The following PHLDB2 variants were observed in gnomAD, a reference collection of about 807,000 sequenced individuals.
PHLDB2 encodes the protein pleckstrin homology-like domain family B member 2.
PHLDB2 carries 71 observed loss-of-function variants against 123.6 expected under a neutral mutation model. The observed-to-expected ratio is 0.57, with a 90% CI of 0.47 to 0.70. The LOEUF (loss-of-function observed/expected upper bound fraction) is 0.70, where lower values mean the gene tolerates loss of function less well. Ranked by LOEUF, PHLDB2 falls within the 30% of genes least tolerant of loss-of-function variation. PHLDB2 has a pLI of 0.00. For synonymous variants in PHLDB2, 547 were observed against 541.6 expected (o/e 1.01, Z -0.14); for missense variants, 1,446 against 1,519.5 (o/e 0.95, Z 0.80).
intron 1 of PHLDB2, among the ~76,000 whole-genome samples, chr3:111,824,973 A>G (rs2062585999): frequency 6.6e-6 from 1 of 152,162 alleles, no homozygotes; most frequent in African/African-American, 2.4e-5. Flanking sequence ...TTTCTATATT[A>G]TCTCTTAATG....
At chr3:111,852,470 A>C (rs60131780) in intron 2 of PHLDB2, among the ~76,000 whole-genome samples, 4,164 of 151,276 alleles carry the variant, frequency 0.028, 109 homozygotes, top group Admixed American at 0.072. Flanking sequence ...GTATAACATT[A>C]AGGACAAATT....
At chr3:111,911,692 C>T in intron 2 of PHLDB2, 1 of 1,536,240 alleles carries the variant, frequency 6.5e-7, no homozygotes, top group Non-Finnish European at 8.7e-7. Flanking sequence ...GGAGCTGCAG[C>T]TGGAGTCCAG....
chr3:111,933,586 A>G (rs771823701), intron 6 of PHLDB2, among the ~76,000 whole-genome samples: 21 of 152,234 alleles, frequency 1.4e-4, no homozygotes, highest in Non-Finnish European at 2.8e-4. Context: ...AGTTTTAACC[A>G]TATGTCTTCC....
intron 1 of PHLDB2, among the ~76,000 whole-genome samples, chr3:111,743,482 T>A (rs1387591588): frequency 6.6e-6 from 1 of 152,124 alleles, no homozygotes; most frequent in Non-Finnish European, 1.5e-5. Flanking sequence ...TGAACTTCAT[T>A]TTTCCTGGGA....
intron 2 of PHLDB2, among the ~76,000 whole-genome samples, chr3:111,909,887 G>A (rs7653069): frequency 0.13 from 19,866 of 152,156 alleles, 1,682 homozygotes; most frequent in Non-Finnish European, 0.19. Context: ...AAGGTTTTTA[G>A]CAAAGATTAC....
At chr3:111,946,975 A>G (rs1174258713) in intron 9 of PHLDB2, among the ~76,000 whole-genome samples, 1 of 151,838 alleles carries the variant, frequency 6.6e-6, no homozygotes, top group East Asian at 1.9e-4. Context: ...TTGACAGTTC[A>G]CAGTTCTTGC....
At chr3:111,961,097 C>A (rs768374606) in intron 12 of PHLDB2, among the ~76,000 whole-genome samples, 9 of 152,250 alleles carry the variant, frequency 5.9e-5, no homozygotes, top group Non-Finnish European at 1.2e-4. Context: ...CTTTGGGAGG[C>A]CGAGGCAGGC....
At chr3:111,752,291 C>T (rs1576509375) in intron 1 of PHLDB2, among the ~76,000 whole-genome samples, 1 of 151,766 alleles carries the variant, frequency 6.6e-6, no homozygotes, top group Non-Finnish European at 1.5e-5. Flanking sequence ...AATGCCTGTA[C>T]TCATATCCTA....
Position 111,976,077 on chromosome 3 carries a change from A to G in PHLDB2, c.*1514A>G, listed in dbSNP as rs1414742084. 1.3e-5 allele frequency: 2 copies of G among 152,690 alleles called. No individual in the cohort carries two copies. Among genetic ancestry groups the G allele is most frequent in the African/African-American group, 4.8e-5 (2 of 41,478 alleles). The allele number at this position is 152,690 out of a possible 1,614,324, so 9.5% of individuals were successfully genotyped here. On this transcript the variant is annotated 3_prime_UTR_variant, in exon 18 of 18. Transcript: ENST00000431670. ...TCACTTTTAAACCCTGTAGTGATGT[A>G]AGACTAAAATATAATTGCTAAGATT... is the stretch of plus-strand genomic sequence containing the variant.
intron 2 of PHLDB2, among the ~76,000 whole-genome samples, chr3:111,907,781 C>T (rs549782259): frequency 3.3e-5 from 5 of 152,164 alleles, no homozygotes; most frequent in East Asian, 1.9e-4. Context: ...TGTGAGCCAC[C>T]GTGGTCAGCT....
chr3:111,953,702 G>A (rs1577181423), intron 11 of PHLDB2: 5 of 416,914 alleles, frequency 1.2e-5, no homozygotes, highest in African/African-American at 1.0e-4. Flanking sequence ...CTTCACTTTT[G>A]GAATTGCTGC....
chr3:111,738,530 A>T (rs1167480657), intron 1 of PHLDB2, among the ~76,000 whole-genome samples: 1 of 152,202 alleles, frequency 6.6e-6, no homozygotes, highest in Non-Finnish European at 1.5e-5. Context: ...CATAGGATTA[A>T]ATAATCTTGC....
intron 5 of PHLDB2, among the ~76,000 whole-genome samples, chr3:111,928,811 A>C (rs1170572833): frequency 6.6e-6 from 1 of 152,212 alleles, no homozygotes; most frequent in African/African-American, 2.4e-5. Flanking sequence ...ACATCAAGAG[A>C]AGACAAGTCA....
chr3:111,884,848 C>T lies in PHLDB2; in HGVS notation c.771C>T (p.Pro257=), dbSNP rs2066083726. ...SHMGAYSRSL[P]RLYRATENQL... is the part of the protein sequence containing the mutation. Reference sequence around the variant, plus strand: ...TGGGAGCCTACAGCCGATCACTTCCCAGGTTGTACAGAGCCACAGAGAACC... The same window carrying T: ...TGGGAGCCTACAGCCGATCACTTCCTAGGTTGTACAGAGCCACAGAGAACC... The change falls in exon 2 of 18, where the codon CCC becomes CCT. Residue 257 remains proline (P), a synonymous_variant. Transcript: ENST00000431670. 1 of 1,614,156 alleles carries T rather than the reference C, an allele frequency of 6.2e-7. No homozygotes were observed.
At chr3:111,854,273 G>C (rs1398080279), upstream of PHLDB2, among the ~76,000 whole-genome samples, 2 of 152,186 alleles carry the variant, frequency 1.3e-5, no homozygotes, top group Non-Finnish European at 2.9e-5. Context: ...GACACTTGGG[G>C]ATTATGAGAA....
chr3:111,852,753 GACACACACACAC>G (rs36217120), intron 2 of PHLDB2, among the ~76,000 whole-genome samples: 3 of 150,156 alleles, frequency 2.0e-5, no homozygotes, highest in Non-Finnish European at 4.5e-5. Context: ...TAATCTAAAA[GACACACACACAC>G]ACACACACAC....
At chr3:111,810,656 C>A (rs994217104) in intron 1 of PHLDB2, among the ~76,000 whole-genome samples, 1 of 152,076 alleles carries the variant, frequency 6.6e-6, no homozygotes, top group Non-Finnish European at 1.5e-5. Flanking sequence ...AGGGTTAGGG[C>A]TTCAACATAT....
At chr3:111,943,449 T>C (rs1483902702) in intron 8 of PHLDB2, among the ~76,000 whole-genome samples, 1 of 152,154 alleles carries the variant, frequency 6.6e-6, no homozygotes, top group Non-Finnish European at 1.5e-5. Context: ...GAGTGAAAGT[T>C]TACTTTTATA....
chr3:111,808,481 A>G (rs1194869811), intron 1 of PHLDB2, among the ~76,000 whole-genome samples: 9 of 136,850 alleles, frequency 6.6e-5, no homozygotes, highest in Admixed American at 6.2e-4. Context: ...GTGTTTAAAC[A>G]TATATTCTGG....
Sources: allele counts gnomAD v4.1 joint callset (sites outside exome capture counted in the v4.1 genomes callset), GRCh38; gene constraint gnomAD v4.1.1; transcripts MANE v1.5; gene names NCBI Gene and HGNC (gene_info 2026-07-23, HGNC 2026-07-21).